The following INO80 variants were observed in gnomAD, a reference collection of about 807,000 sequenced individuals.
The protein encoded by INO80 is INO80 complex ATPase subunit.
INO80 carries 20 observed loss-of-function variants against 203.4 expected under a neutral mutation model. The observed-to-expected ratio is 0.10, with a 90% CI of 0.07 to 0.14. INO80 has a LOEUF of 0.14. Among genes scored for constraint, INO80 ranks in the 10% least tolerant of loss-of-function variants. The pLI is 1.00. For synonymous variants in INO80, 726 were observed against 685.2 expected (o/e 1.06, Z -0.93); for missense variants, 1,419 against 1,914.4 (o/e 0.74, Z 4.83).
chr15:41,094,697 G>T (rs1332692705), intron 4 of INO80, among the ~76,000 whole-genome samples: 1 of 152,142 alleles, frequency 6.6e-6, no homozygotes, highest in Non-Finnish European at 1.5e-5. Flanking sequence ...CCCAATGAGT[G>T]CAAGGACTTC....
At chr15:41,096,130 AAT>A (rs749581790) in intron 2 of INO80, 36 bp downstream of exon 2, 1 of 1,553,556 alleles carries the variant, frequency 6.4e-7, no homozygotes, top group East Asian at 2.2e-5. Flanking sequence ...GGAAATCAGG[AAT>A]TTGGTAAAAC....
intron 26 of INO80, 24 bp from the exon 27 acceptor site, chr15:41,016,239 G>A (rs1460069689): frequency 1.9e-6 from 3 of 1,609,900 alleles, no homozygotes; most frequent in Non-Finnish European, 2.5e-6. Context: ...AAGGGGGTGA[G>A]GGGGAACTGT....
rs548072003 is a variant in INO80 at position 40,982,932 on chromosome 15, T to C, written c.4383A>G (p.Ala1461=). The C allele has an allele frequency of 7.9e-5, 128 of 1,614,182 alleles. 2 individuals carry two copies. The South Asian group carries it at 1.3e-3, about 17-fold the overall frequency. Residue 1461 remains alanine, a synonymous_variant, in exon 35 of 36, where the codon GCA becomes GCG. Coordinates refer to ENST00000648947, the MANE Select transcript of INO80 (RefSeq NM_017553.3). ...CCGCTGCAGCCCCGGCTTTGGCTCC[T>C]GCCATTGCAGCAGCACTGCCTGCCG... ...KSTAGSAAAM[A]GAKAGAAAAS...
At chr15:41,056,561 G>T in intron 17 of INO80, 61 bp downstream of exon 17, 1 of 1,238,466 alleles carries the variant, frequency 8.1e-7, no homozygotes, top group Non-Finnish European at 1.2e-6. Context: ...AGAATTCTAT[G>T]CTCTGCTGGA....
Position 41,033,834 on chromosome 15 carries a change from G to A in INO80, c.2908-6098C>T, listed in dbSNP as rs1239000487. ...TGGGAGGCCAAGGCGGGAGGATCAC[G>A]AGGTCAGGAGATCAAGACCATCCTG... On this transcript the variant is annotated intron_variant, in intron 24 of 35. Coordinates refer to ENST00000648947, the MANE Select transcript of INO80 (RefSeq NM_017553.3). Among the ~76,000 whole-genome samples, 3 of 152,224 alleles carry A rather than the reference G, an allele frequency of 2.0e-5. No homozygotes were observed. The South Asian group carries it at 6.2e-4, about 32-fold the overall frequency.
chr15:41,092,835 T>C (rs545132543), intron 4 of INO80, among the ~76,000 whole-genome samples: 22 of 152,264 alleles, frequency 1.4e-4, no homozygotes, highest in Admixed American at 7.2e-4. Context: ...GGCATGAGGA[T>C]TGCTTGAGGC....
Position 41,022,098 on chromosome 15 carries a change from T to C in INO80, c.3049-973A>G, listed in dbSNP as rs1467191438. On this transcript the variant is annotated intron_variant, in intron 25 of 35. Transcript: ENST00000648947. ...AAATCTAAAACTTTGAGTGCCTACA[T>C]GATGCACTAAGGAAATGCTCATTGG... Among the ~76,000 whole-genome samples the C allele has an allele frequency of 2.6e-5, 4 of 152,346 alleles. No homozygotes were observed. The East Asian group carries it at 7.7e-4, about 29-fold the overall frequency.
chr15:41,107,568 GGAGGGTGGATCATTT>G (rs1196709521), intron 1 of INO80, among the ~76,000 whole-genome samples: 1 of 152,026 alleles, frequency 6.6e-6, no homozygotes, highest in African/African-American at 2.4e-5. Context: ...GGGAGGCCAA[GGAGGGTGGATCATTT>G]GAGGTCAGGA....
At chr15:41,069,794 A>C in intron 13 of INO80, 129 bp from the exon 14 acceptor site, 1 of 604,332 alleles carries the variant, frequency 1.7e-6, no homozygotes. Context: ...GTAAATCCCA[A>C]ATCTGCACAT....
chr15:41,076,297 T>G (rs542423263), intron 9 of INO80, among the ~76,000 whole-genome samples: 1 of 151,888 alleles, frequency 6.6e-6, no homozygotes, highest in Non-Finnish European at 1.5e-5. Context: ...GGAGGAAAGG[T>G]TGCAGTGAGC....
At chr15:41,056,778 T>C in intron 16 of INO80, 72 bp from the exon 17 acceptor site, 8 of 1,299,860 alleles carry the variant, frequency 6.2e-6, no homozygotes, top group Non-Finnish European at 8.8e-6. Context: ...TGAGACCCCA[T>C]ATTGACAAAA....
intron 24 of INO80, among the ~76,000 whole-genome samples, chr15:41,028,969 G>A (rs959163704): frequency 1.3e-5 from 2 of 152,188 alleles, no homozygotes; most frequent in African/African-American, 4.8e-5. Context: ...CTCCTCAGTG[G>A]GACATGGTGT....
At chr15:40,986,316 CTTTTT>C (rs551165963) in intron 31 of INO80, among the ~76,000 whole-genome samples, 253 of 90,690 alleles carry the variant, frequency 2.8e-3, no homozygotes, top group Middle Eastern at 0.02. Flanking sequence ...CTCCACAATG[CTTTTT>C]TTTTTTTTTT....
intron 28 of INO80, chr15:41,005,323 T>C (rs534873407): frequency 2.8e-5 from 9 of 327,060 alleles, no homozygotes; most frequent in Non-Finnish European, 5.0e-5. Flanking sequence ...AGAAATGATT[T>C]CTTTTATTAT....
chr15:41,001,608 G>C (rs916555391), intron 28 of INO80, among the ~76,000 whole-genome samples: 7 of 152,216 alleles, frequency 4.6e-5, no homozygotes, highest in African/African-American at 1.7e-4. Flanking sequence ...GGGAAGCAAA[G>C]GCCAAAGCAC....
intron 7 of INO80, among the ~76,000 whole-genome samples, chr15:41,081,282 T>G (rs1228469541): frequency 6.6e-6 from 1 of 152,208 alleles, no homozygotes; most frequent in Non-Finnish European, 1.5e-5. Flanking sequence ...GTCAGCATTG[T>G]GGATGCCTTA....
At chr15:41,051,332 A>G (rs1025332591) in intron 19 of INO80, among the ~76,000 whole-genome samples, 3 of 151,680 alleles carry the variant, frequency 2.0e-5, no homozygotes, top group African/African-American at 7.3e-5. Context: ...TTCCTAGTAA[A>G]TGCCAACTCA....
chr15:41,060,549 T>A (rs1436801805), intron 14 of INO80, among the ~76,000 whole-genome samples: 1 of 151,118 alleles, frequency 6.6e-6, no homozygotes, highest in Non-Finnish European at 1.5e-5. Context: ...AGCAAGACTT[T>A]GTCTCAGGAA....
At chr15:41,090,325 C>T (rs1252871499) in intron 5 of INO80, among the ~76,000 whole-genome samples, 2 of 152,170 alleles carry the variant, frequency 1.3e-5, no homozygotes, top group African/African-American at 2.4e-5. Context: ...CCTGTAATCC[C>T]AGCACTTTGG....
Sources: allele counts gnomAD v4.1 joint callset (sites outside exome capture counted in the v4.1 genomes callset), GRCh38; gene constraint gnomAD v4.1.1; transcripts MANE v1.5; gene names NCBI Gene and HGNC (gene_info 2026-07-23, HGNC 2026-07-21).